The following EME1 variants were observed in gnomAD, a reference collection of about 807,000 sequenced individuals.
EME1 encodes essential meiotic structure-specific endonuclease 1, also known as structure-specific endonuclease subunit EME1.
A neutral mutation model predicts 59.1 loss-of-function variants in EME1; 61 were observed. The ratio of observed to expected loss-of-function variants is 1.03; its 90% CI spans 0.84 to 1.28. EME1 has a LOEUF of 1.28. EME1 is among the 50% of genes most tolerant of loss of function. EME1 has a pLI of 0.00. For synonymous variants in EME1, 230 were observed against 254.2 expected, an observed-to-expected ratio of 0.90 and a Z score of 0.90; for missense variants, 635 against 682.6, an observed-to-expected ratio of 0.93 and a Z score of 0.78.
chr17:50,373,768 A>AC (rs1043016545), intron 1 of EME1, among the ~76,000 whole-genome samples: 6 of 152,120 alleles, frequency 3.9e-5, no homozygotes, highest in Non-Finnish European at 7.4e-5. Context: ...TTGAAAACAT[A>AC]CCCCCACAAA....
chr17:50,373,350 G>T, intron 1 of EME1, 73 bp downstream of exon 1: 2 of 794,550 alleles, frequency 2.5e-6, no homozygotes, highest in Non-Finnish European at 4.0e-6. Flanking sequence ...CAGAATCTTG[G>T]TGGCTAAGGT....
rs1268836989 is a variant in EME1, at chr17:50,381,159, T to G, written c.*220T>G. ...CCTTTGGCATTTAATGTTCCTCTCC[T>G]GGCAAAAATTCACTGCCACAGACAA... On this transcript the variant is annotated 3_prime_UTR_variant, in exon 9 of 9. Transcript: ENST00000338165. 2 of 571,620 alleles carry G rather than the reference T, an allele frequency of 3.5e-6. No homozygotes were observed. Among genetic ancestry groups the G allele is most frequent in the African/African-American group, 3.7e-5 (2 of 53,426 alleles). The allele number at this position is 571,620 out of a possible 1,614,324, so 35.4% of individuals were successfully genotyped here. A position where few individuals can be genotyped will look rare whatever the true frequency, so the allele number is the denominator to read the frequency against.
chr17:50,380,677 C>G lies in EME1; in HGVS notation c.1537-86C>G. 4 of 1,584,226 alleles carry G rather than the reference C, an allele frequency of 2.5e-6. No homozygotes were observed. In the South Asian group the frequency reaches 4.6e-5, roughly 18 times the overall value. ...GGGAGGGAGGACAGGTTCTCATGCCCCAAGCCAAGCGTAGCACCCTCCATG... is the reference window on the plus strand; with the variant it reads ...GGGAGGGAGGACAGGTTCTCATGCCGCAAGCCAAGCGTAGCACCCTCCATG... On this transcript the variant is annotated intron_variant, in intron 8 of 8. Transcript: ENST00000338165.
chr17:50,380,744 G>C lies in EME1; in HGVS notation c.1537-19G>C. On this transcript the variant is annotated intron_variant, in intron 8 of 8. Coordinates refer to ENST00000338165, the MANE Select transcript of EME1 (RefSeq NM_152463.4). The stretch of plus-strand genomic sequence containing the variant: ...CACCATGGATGGTACCATATTAAGA[G>C]GTCATCTACCACTTCCAGGCTTATC... The C allele has an allele frequency of 1.9e-6, 3 of 1,613,352 alleles. No homozygotes were observed. Among genetic ancestry groups the C allele is most frequent in the Non-Finnish European group, 2.5e-6 (3 of 1,180,002 alleles).
chr17:50,375,640 A>G lies in EME1; in HGVS notation c.432A>G (p.Glu144=). 6.2e-7 allele frequency: 1 copy of G among 1,614,116 alleles called. No individual in the cohort carries two copies. Among genetic ancestry groups the G allele is most frequent in the African/African-American group, 1.3e-5 (1 of 75,020 alleles). The change falls in exon 2 of 9, where the codon GAA becomes GAG. Residue 144 remains glutamate (E), a synonymous_variant. Coordinates refer to ENST00000338165, the MANE Select transcript of EME1 (RefSeq NM_152463.4). ...DWKKPFPKIP[E]VPLHDTPERS... ...AAAAGCCCTTTCCAAAGATCCCTGAAGTTCCCCTCCATGATACCCCAGAGA... is the reference window on the plus strand; with the variant it reads ...AAAAGCCCTTTCCAAAGATCCCTGAGGTTCCCCTCCATGATACCCCAGAGA...
Position 50,375,429 on chromosome 17 carries a change from TCA to T in EME1, c.226_227del (p.Gln76AsnfsTer10). The T allele has an allele frequency of 6.2e-7, 1 of 1,614,172 alleles. No homozygotes were observed. The highest frequency in any genetic ancestry group is 8.5e-7 in the Non-Finnish European group (1 of 1,180,030). On this transcript the variant is annotated frameshift_variant, in exon 2 of 9. Transcript: ENST00000338165. LOFTEE classifies it high-confidence loss of function. ...CCTGTCCCAGAAATAGCTGAAACTG[TCA>T]CACAAACACAGCCAGTCAGGTTGCT...
At chr17:50,379,777 G>T (rs1355951260) in intron 7 of EME1, 12 of 544,622 alleles carry the variant, frequency 2.2e-5, no homozygotes, top group Admixed American at 9.3e-5. Flanking sequence ...TCGCCTATAT[G>T]TAAGTATGTG....
rs931042096 is a variant in EME1, at chr17:50,381,177, A to G, written c.*238A>G. The G allele has an allele frequency of 1.3e-5, 7 of 532,490 alleles. No homozygotes were observed. The highest frequency in any genetic ancestry group is 2.0e-5 in the Non-Finnish European group (6 of 299,866). The allele number at this position is 532,490 out of a possible 1,614,324, so 33.0% of individuals were successfully genotyped here. ...CCTCTCCTGGCAAAAATTCACTGCC[A>G]CAGACAAACCACCCCCACTCCTACC... On this transcript the variant is annotated 3_prime_UTR_variant, in exon 9 of 9. Transcript: ENST00000338165.
Position 50,379,105 on chromosome 17 carries a change from A to C in EME1, c.1113-2A>C. On this transcript the variant is annotated splice_acceptor_variant, in intron 5 of 8. Coordinates refer to ENST00000338165, the MANE Select transcript of EME1 (RefSeq NM_152463.4). LOFTEE classifies it high-confidence loss of function. Reference sequence around the variant, plus strand: ...GTTCTTTGATTTCCTCCCCTGCACCAGTGCTCAGAATCCTCCAAGAAGAGG... The same window carrying C: ...GTTCTTTGATTTCCTCCCCTGCACCCGTGCTCAGAATCCTCCAAGAAGAGG... 6.2e-7 allele frequency: 1 copy of C among 1,614,158 alleles called. No individual in the cohort carries two copies. Among genetic ancestry groups the C allele is most frequent in the East Asian group, 2.2e-5 (1 of 44,882 alleles).
At chr17:50,378,950 G>C (rs1472526755) in intron 5 of EME1, 55 bp downstream of exon 5, 8 of 1,613,696 alleles carry the variant, frequency 5.0e-6, no homozygotes, top group Middle Eastern at 1.7e-4. Context: ...TGGGCCAAGG[G>C]GGGTGAGTTT....
intron 3 of EME1, among the ~76,000 whole-genome samples, chr17:50,376,569 T>C (rs755374534): frequency 5.9e-5 from 9 of 152,172 alleles, no homozygotes; most frequent in Non-Finnish European, 1.0e-4. Context: ...CAATAAAAAA[T>C]GTCTGCAGAC....
chr17:50,376,801 CCT>C (rs1160238713), intron 3 of EME1, among the ~76,000 whole-genome samples: 2 of 152,190 alleles, frequency 1.3e-5, no homozygotes, highest in Admixed American at 6.5e-5. Context: ...GGAAAAATAC[CCT>C]GACTTCACTT....
chr17:50,378,003 C>T (rs1913560726), intron 3 of EME1, among the ~76,000 whole-genome samples: 1 of 151,974 alleles, frequency 6.6e-6, no homozygotes, highest in South Asian at 2.1e-4. Flanking sequence ...GGTGATCCGC[C>T]CGCCTAGGCC....
chr17:50,374,266 C>A (rs1296331729), intron 1 of EME1, among the ~76,000 whole-genome samples: 1 of 152,112 alleles, frequency 6.6e-6, no homozygotes, highest in East Asian at 1.9e-4. Flanking sequence ...GAAGCAGGGT[C>A]TCACTCTGTC....
intron 3 of EME1, among the ~76,000 whole-genome samples, 186 bp from the exon 4 acceptor site, chr17:50,378,409 A>G (rs985552210): frequency 1.3e-5 from 2 of 152,168 alleles, no homozygotes; most frequent in South Asian, 4.1e-4. Context: ...CAGGGCACCA[A>G]GACTGAATCA....
chr17:50,374,853 A>G (rs912408315), intron 1 of EME1, among the ~76,000 whole-genome samples: 4 of 152,108 alleles, frequency 2.6e-5, no homozygotes, highest in African/African-American at 7.2e-5. Flanking sequence ...CAAAAAAAAA[A>G]AAGAAGAACT....
intron 1 of EME1, 32 bp from the exon 2 acceptor site, chr17:50,375,153 C>A: frequency 6.4e-7 from 1 of 1,553,014 alleles, no homozygotes; most frequent in Non-Finnish European, 8.8e-7. Flanking sequence ...TTGAATGCTC[C>A]AGTCTGTGTC....
intron 8 of EME1, 40 bp downstream of exon 8, chr17:50,380,541 T>G (rs1387943660): frequency 3.1e-6 from 5 of 1,600,370 alleles, no homozygotes; most frequent in Non-Finnish European, 4.3e-6. Context: ...GCCCATTGCC[T>G]GCGGGCTCAG....
In EME1 at chr17:50,380,761, A is replaced by G. The variant is rs1462029045; in HGVS notation, c.1537-2A>G. The stretch of plus-strand genomic sequence containing the variant: ...TATTAAGAGGTCATCTACCACTTCC[A>G]GGCTTATCAGCAGTGTTTTTCGGAT... On this transcript the variant is annotated splice_acceptor_variant, in intron 8 of 8. Coordinates refer to ENST00000338165, the MANE Select transcript of EME1 (RefSeq NM_152463.4). LOFTEE classifies it high-confidence loss of function. The G allele has an allele frequency of 1.2e-6, 2 of 1,614,028 alleles. No individual in the cohort carries two copies. Among genetic ancestry groups the G allele is most frequent in the African/African-American group, 2.7e-5 (2 of 75,050 alleles).
Sources: allele counts gnomAD v4.1 joint callset (sites outside exome capture counted in the v4.1 genomes callset), GRCh38; gene constraint gnomAD v4.1.1; transcripts MANE v1.5; gene names NCBI Gene and HGNC (gene_info 2026-07-23, HGNC 2026-07-21).